INPP5A: variants seen among roughly 807,000 people sequenced by gnomAD.
INPP5A encodes the protein inositol polyphosphate-5-phosphatase A.
INPP5A carries 14 observed loss-of-function variants against 65.2 expected under a neutral mutation model. The observed-to-expected ratio is 0.21, with a 90% CI of 0.14 to 0.34. The LOEUF (loss-of-function observed/expected upper bound fraction) is 0.34, where lower values mean the gene tolerates loss of function less well. Among genes scored for constraint, INPP5A ranks in the 10% least tolerant of loss-of-function variants. The pLI is 1.00. For synonymous variants in INPP5A, 207 were observed against 208.3 expected, an observed-to-expected ratio of 0.99 and a Z score of 0.05; for missense variants, 431 against 545.6, an observed-to-expected ratio of 0.79 and a Z score of 2.09.
intron 4 of INPP5A, among the ~76,000 whole-genome samples, chr10:132,670,765 G>A (rs1298976045): frequency 6.6e-6 from 1 of 151,902 alleles, no homozygotes; most frequent in East Asian, 2.0e-4. Flanking sequence ...TCCCTCTTAG[G>A]GAAGAAGCCT....
rs899448428 is a variant in INPP5A, at chr10:132,707,318, C to T, written c.475-995C>T. ...GGAACGGAATGGGCGGTGCCCTGCC[C>T]TGTTGGCTGCCGTTCCCCCGCCACT... is the stretch of plus-strand genomic sequence containing the variant. On this transcript the variant is annotated intron_variant, in intron 6 of 15. Transcript: ENST00000368594. This position sits in a 1 kb window ranked among gnomAD's most constrained non-coding sequence, Gnocchi z 5.5. Among the ~76,000 whole-genome samples the T allele has an allele frequency of 2.6e-5, 4 of 151,562 alleles. No homozygotes were observed. Among genetic ancestry groups the T allele is most frequent in the Admixed American group, 2.6e-4 (4 of 15,192 alleles).
chr10:132,569,209 A>G (rs1023852576), intron 1 of INPP5A, among the ~76,000 whole-genome samples: 1 of 152,120 alleles, frequency 6.6e-6, no homozygotes, highest in African/African-American at 2.4e-5. Context: ...TTAAGTTCTT[A>G]TACTTTCTAC....
At chr10:132,700,414 G>A (rs775830933) in intron 6 of INPP5A, among the ~76,000 whole-genome samples, 21 of 152,320 alleles carry the variant, frequency 1.4e-4, no homozygotes, top group Middle Eastern at 3.4e-3. Context: ...AAATCCTCCC[G>A]GGACCCGTGT....
chr10:132,644,663 C>T lies in INPP5A; in HGVS notation c.118-1205C>T, dbSNP rs1268600508. Among the ~76,000 whole-genome samples the T allele has an allele frequency of 1.3e-5, 2 of 152,342 alleles. No individual in the cohort carries two copies. Among genetic ancestry groups the T allele is most frequent in the South Asian group, 2.1e-4 (1 of 4,828 alleles). On this transcript the variant is annotated intron_variant, in intron 2 of 15. Transcript: ENST00000368594. The surrounding 1 kb of genome is among the most constrained non-coding windows in gnomAD (Gnocchi z 6.5). Reference sequence around the variant, plus strand: ...GCCTTTCCGCTCCTCCAAGGAAGCTCGTCCTTTTGGGCCCTCAGTGGCTGT... The same window carrying T: ...GCCTTTCCGCTCCTCCAAGGAAGCTTGTCCTTTTGGGCCCTCAGTGGCTGT...
At chr10:132,610,866 C>G (rs187554186) in intron 2 of INPP5A, among the ~76,000 whole-genome samples, 18 of 152,356 alleles carry the variant, frequency 1.2e-4, no homozygotes, top group African/African-American at 4.3e-4. Flanking sequence ...GTAGGCAGAT[C>G]GCTTGGAGAA....
At chr10:132,748,184 C>T (rs1168378700) in intron 9 of INPP5A, among the ~76,000 whole-genome samples, 1 of 152,164 alleles carries the variant, frequency 6.6e-6, no homozygotes, top group African/African-American at 2.4e-5. Flanking sequence ...AGTCAGTTCC[C>T]TCCCGGCCCC....
chr10:132,582,803 C>G (rs1030862521), intron 1 of INPP5A, among the ~76,000 whole-genome samples: 1 of 152,204 alleles, frequency 6.6e-6, no homozygotes, highest in Admixed American at 6.5e-5. Context: ...TCCATCAGTC[C>G]ATTGAATTTT....
chr10:132,776,089 T>C (rs1847059016), intron 12 of INPP5A, among the ~76,000 whole-genome samples: 1 of 152,144 alleles, frequency 6.6e-6, no homozygotes, highest in South Asian at 2.1e-4. Flanking sequence ...TGGGATCAGC[T>C]GAGAAGCTCC....
rs953560505 is a variant in INPP5A at position 132,607,833 on chromosome 10, G to A, written c.76-82G>A. On this transcript the variant is annotated intron_variant, in intron 1 of 15. Coordinates refer to ENST00000368594, the MANE Select transcript of INPP5A (RefSeq NM_005539.5). Reference sequence around the variant, plus strand: ...TGCGCCTCTGCTCCTGCCCCACGTTGTCTTCACAGGAGCTTGTCCTGGCTC... The same window carrying A: ...TGCGCCTCTGCTCCTGCCCCACGTTATCTTCACAGGAGCTTGTCCTGGCTC... The A allele has an allele frequency of 3.7e-6, 5 of 1,367,460 alleles. No individual in the cohort carries two copies. The African/African-American group carries it at 5.7e-5, about 16-fold the overall frequency. 84.7% of individuals were successfully genotyped at this position (1,367,460 alleles called of 1,614,324 possible). A position where few individuals can be genotyped will look rare whatever the true frequency, so the allele number is the denominator to read the frequency against.
rs1481282138 is a variant in INPP5A, at chr10:132,683,642, A to T, written c.307-6750A>T. On this transcript the variant is annotated intron_variant, in intron 4 of 15. Coordinates refer to ENST00000368594, the MANE Select transcript of INPP5A (RefSeq NM_005539.5). ...ACCATGCAGGGAAGATTATTATAGC[A>T]TCAATTACAATACTCAAATAATTGG... 2.0e-5 allele frequency among the ~76,000 whole-genome samples: 3 copies of T among 152,370 alleles called. No homozygotes were observed. The East Asian group carries it at 5.8e-4, about 29-fold the overall frequency.
rs1176346587 is a variant in INPP5A, at chr10:132,726,844, A to G, written c.671A>G (p.Lys224Arg). ...LDRIIDQRFEKVSYFVFGDFN... is the reference protein window; with the variant it reads ...LDRIIDQRFERVSYFVFGDFN... ...AGAATCATTGATCAGCGATTCGAGAAGGTTTCCTACTTTGTATTTGGTGAT... is the reference window on the plus strand; with the variant it reads ...AGAATCATTGATCAGCGATTCGAGAGGGTTTCCTACTTTGTATTTGGTGAT... Residue 224 changes from lysine (K) to arginine (R), a missense_variant, in exon 9 of 16, where the codon AAG (lysine) becomes AGG (arginine). Lys to Arg is a conservative substitution (Grantham distance 26). Transcript: ENST00000368594. The G allele has an allele frequency of 6.2e-7, 1 of 1,605,200 alleles. No homozygotes were observed. Among genetic ancestry groups the G allele is most frequent in the Admixed American group, 1.7e-5 (1 of 59,384 alleles).
intron 2 of INPP5A, among the ~76,000 whole-genome samples, chr10:132,620,958 G>A (rs948129971): frequency 6.6e-6 from 1 of 152,180 alleles, no homozygotes; most frequent in African/African-American, 2.4e-5. Flanking sequence ...ATGCAAGCCT[G>A]GTTTAACATT....
At chr10:132,595,237 C>A (rs567814243) in intron 1 of INPP5A, among the ~76,000 whole-genome samples, 1 of 152,336 alleles carries the variant, frequency 6.6e-6, no homozygotes, top group East Asian at 1.9e-4. Context: ...GGAAGGGGGC[C>A]AGGGCATGCA....
At chr10:132,737,465 A>C (rs1846198722) in intron 9 of INPP5A, among the ~76,000 whole-genome samples, 1 of 152,174 alleles carries the variant, frequency 6.6e-6, no homozygotes, top group Admixed American at 6.5e-5. Flanking sequence ...CCGTGGACTA[A>C]TGTTAGTCAT....
chr10:132,579,739 G>A (rs1244230782), intron 1 of INPP5A, among the ~76,000 whole-genome samples: 1 of 152,138 alleles, frequency 6.6e-6, no homozygotes, highest in Non-Finnish European at 1.5e-5. Context: ...GCCTCCCATA[G>A]CGATTGATGG....
intron 8 of INPP5A, among the ~76,000 whole-genome samples, chr10:132,716,365 G>A (rs1422964414): frequency 2.6e-5 from 4 of 152,200 alleles, no homozygotes; most frequent in East Asian, 3.9e-4. Flanking sequence ...GGCAAGCGTC[G>A]ACGTGACGTT....
chr10:132,608,012 T>C, intron 2 of INPP5A, 56 bp downstream of exon 2: 2 of 1,546,172 alleles, frequency 1.3e-6, no homozygotes, highest in Non-Finnish European at 1.8e-6. Flanking sequence ...ATAAGGTGCC[T>C]TTTTGCTTTG....
At chr10:132,588,012 CA>C (rs796469034) in intron 1 of INPP5A, among the ~76,000 whole-genome samples, 222 of 55,902 alleles carry the variant, frequency 4.0e-3, no homozygotes, top group African/African-American at 0.011. Context: ...AACTCCATCT[CA>C]AAAAAAAAAA....
intron 12 of INPP5A, among the ~76,000 whole-genome samples, chr10:132,768,950 A>C (rs1846902008): frequency 6.6e-6 from 1 of 152,240 alleles, no homozygotes; most frequent in African/African-American, 2.4e-5. Context: ...ATTGGTGGGC[A>C]GGACCCTCCC....
Sources: gnomAD v4.1 joint callset for allele counts (sites outside exome capture counted in the v4.1 genomes callset) on GRCh38, gnomAD v4.1.1 for gene constraint, Gnocchi (gnomAD v3.1) non-coding constraint, MANE v1.5 for transcripts, NCBI Gene and HGNC (gene_info 2026-07-23, HGNC 2026-07-21) for gene names.